DOCK3: variants seen among roughly 807,000 people sequenced by gnomAD.
DOCK3 encodes dedicator of cytokinesis protein 3.
A neutral mutation model predicts 265.6 loss-of-function variants in DOCK3; 60 were observed. The observed-to-expected ratio is 0.23, with a 90% CI of 0.18 to 0.28. The LOEUF (loss-of-function observed/expected upper bound fraction) is 0.28, where lower values mean the gene tolerates loss of function less well. DOCK3 is among the 10% of genes least tolerant of loss of function. The pLI is 1.00. For missense variants in DOCK3, 1,981 were observed against 2,594.3 expected (o/e 0.76, Z 5.14); for synonymous variants, 881 against 938.0 (o/e 0.94, Z 1.11).
intron 5 of DOCK3, among the ~76,000 whole-genome samples, chr3:51,054,120 CTAAAAAAAAAA>C (rs2081110190): frequency 1.8e-5 from 1 of 57,130 alleles, no homozygotes. Flanking sequence ...CCGTAGCTTC[CTAAAAAAAAAA>C]AAAAAAAAAA....
intron 24 of DOCK3, among the ~76,000 whole-genome samples, chr3:51,272,363 G>A (rs1183521387): frequency 2.0e-5 from 3 of 148,778 alleles, no homozygotes; most frequent in Middle Eastern, 3.6e-3. Context: ...CGCAGCCTCC[G>A]CCTCCCAGGT....
chr3:50,979,417 C>G, intron 5 of DOCK3, among the ~76,000 whole-genome samples: 1 of 152,118 alleles, frequency 6.6e-6, no homozygotes, highest in Admixed American at 6.5e-5. Flanking sequence ...GGGTGGATCT[C>G]TCATGAATGT....
At chr3:50,693,712 T>G (rs1297892993) in intron 1 of DOCK3, among the ~76,000 whole-genome samples, 1 of 151,494 alleles carries the variant, frequency 6.6e-6, no homozygotes, top group African/African-American at 2.4e-5. Context: ...GTTTTTTGTA[T>G]TTTTGGTAGA....
At chr3:51,333,321 T>G in intron 35 of DOCK3, 68 bp downstream of exon 35, 1 of 1,501,460 alleles carries the variant, frequency 6.7e-7, no homozygotes, top group Non-Finnish European at 9.2e-7. Flanking sequence ...GGAATCCCCC[T>G]GACCTGAAAA....
intron 5 of DOCK3, among the ~76,000 whole-genome samples, chr3:50,940,831 A>G (rs886461484): frequency 2.6e-5 from 4 of 152,164 alleles, no homozygotes; most frequent in Non-Finnish European, 4.4e-5. Context: ...TAGAGGAACG[A>G]TAGTCTTTTC....
chr3:51,220,669 AAATAT>A (rs1181358386), intron 14 of DOCK3, among the ~76,000 whole-genome samples: 2 of 68,382 alleles, frequency 2.9e-5, no homozygotes, highest in African/African-American at 1.1e-4. Flanking sequence ...AAAAAAAAAA[AAATAT>A]ATATATATAT....
intron 7 of DOCK3, among the ~76,000 whole-genome samples, 189 bp downstream of exon 7, chr3:51,075,629 C>T (rs1467782176): frequency 2.0e-5 from 3 of 152,192 alleles, no homozygotes; most frequent in African/African-American, 7.2e-5. Flanking sequence ...TAGTAAACTA[C>T]AGATACTGGG....
intron 49 of DOCK3, among the ~76,000 whole-genome samples, chr3:51,371,848 A>G (rs911467471): frequency 6.6e-6 from 1 of 152,232 alleles, no homozygotes; most frequent in African/African-American, 2.4e-5. Context: ...GGTTTTCTTT[A>G]TGAGCCAGGC....
chr3:50,789,499 CTAGGGTA>C (rs2042353725), intron 2 of DOCK3, among the ~76,000 whole-genome samples: 1 of 152,046 alleles, frequency 6.6e-6, no homozygotes, highest in African/African-American at 2.4e-5. Flanking sequence ...TCCATTTGTT[CTAGGGTA>C]TAGTTTAAGT....
At chr3:51,099,576 T>C (rs557433189) in intron 9 of DOCK3, among the ~76,000 whole-genome samples, 4 of 152,310 alleles carry the variant, frequency 2.6e-5, no homozygotes, top group Admixed American at 2.6e-4. Context: ...GAGAGGAATG[T>C]GGAGAATTAA....
intron 1 of DOCK3, among the ~76,000 whole-genome samples, chr3:50,744,672 C>T (rs527822364): frequency 3.9e-5 from 6 of 152,264 alleles, no homozygotes; most frequent in Admixed American, 2.6e-4. Flanking sequence ...TGGGCTCAAG[C>T]GATCTGCCCG....
intron 12 of DOCK3, among the ~76,000 whole-genome samples, chr3:51,185,265 TTAA>T (rs1213114004): frequency 2.0e-5 from 3 of 152,136 alleles, no homozygotes; most frequent in Non-Finnish European, 4.4e-5. Context: ...AAATAAAGTG[TTAA>T]TAATAGGAGA....
Position 51,075,425 on chromosome 3 carries a change from A to G in DOCK3, c.534A>G (p.Ser178=), listed in dbSNP as rs762158144. ...EVVDSDQISV[S]DLYKMHLSSR... ...TGGACTCGGACCAGATTAGTGTCTCAGATCTCTATAAGATGGTAAGAAATC... is the reference window on the plus strand; with the variant it reads ...TGGACTCGGACCAGATTAGTGTCTCGGATCTCTATAAGATGGTAAGAAATC... Residue 178 remains serine (S), a synonymous_variant, in exon 7 of 53, where the codon TCA becomes TCG. Coordinates refer to ENST00000266037, the MANE Select transcript of DOCK3 (RefSeq NM_004947.5). 13 of 1,608,798 alleles carry G rather than the reference A, an allele frequency of 8.1e-6. No individual in the cohort carries two copies. The South Asian group carries it at 1.3e-4, about 17-fold the overall frequency.
intron 2 of DOCK3, among the ~76,000 whole-genome samples, chr3:50,813,977 A>G (rs984033664): frequency 2.0e-5 from 3 of 152,194 alleles, no homozygotes; most frequent in Admixed American, 2.0e-4. Flanking sequence ...AGTGCAATGT[A>G]TCTGGGTAGG....
intron 1 of DOCK3, among the ~76,000 whole-genome samples, chr3:50,770,351 T>C (rs1353925392): frequency 6.6e-6 from 1 of 151,360 alleles, no homozygotes; most frequent in Admixed American, 6.6e-5. Flanking sequence ...TTACAATAGT[T>C]ACACATAAAA....
chr3:51,117,669 T>A (rs2083800410), intron 9 of DOCK3, among the ~76,000 whole-genome samples: 1 of 152,212 alleles, frequency 6.6e-6, no homozygotes, highest in Non-Finnish European at 1.5e-5. Context: ...GGGATTCACC[T>A]TCTTCCTGGT....
chr3:51,018,260 C>A lies in DOCK3; in HGVS notation c.316-46188C>A, dbSNP rs2079436410. Among the ~76,000 whole-genome samples the A allele has an allele frequency of 2.0e-5, 3 of 151,690 alleles. No homozygotes were observed. In the South Asian group the frequency reaches 6.2e-4, roughly 31 times the overall value. On this transcript the variant is annotated intron_variant, in intron 5 of 52. Coordinates refer to ENST00000266037, the MANE Select transcript of DOCK3 (RefSeq NM_004947.5). ...TTTTTCATTTGTCCATTCTGCTGAG[C>A]AATTACTAACATTTCAGTGTAATTT... is the stretch of plus-strand genomic sequence containing the variant.
intron 2 of DOCK3, among the ~76,000 whole-genome samples, chr3:50,786,339 C>T (rs1165426857): frequency 1.3e-5 from 2 of 152,082 alleles, no homozygotes; most frequent in Non-Finnish European, 2.9e-5. Context: ...GCATATTGGG[C>T]TTTAGTTTGG....
chr3:50,935,664 C>T (rs1279226196), intron 5 of DOCK3, among the ~76,000 whole-genome samples: 1 of 152,184 alleles, frequency 6.6e-6, no homozygotes, highest in Non-Finnish European at 1.5e-5. Flanking sequence ...TCCATCCTTG[C>T]CCTGCTAAAA....
Sources: gnomAD v4.1 joint callset for allele counts (sites outside exome capture counted in the v4.1 genomes callset) on GRCh38, gnomAD v4.1.1 for gene constraint, MANE v1.5 for transcripts, NCBI Gene and HGNC (gene_info 2026-07-23, HGNC 2026-07-21) for gene names.